KMT2C: variants seen among roughly 807,000 people sequenced by gnomAD.
KMT2C encodes the protein histone-lysine N-methyltransferase 2C.
In KMT2C, 88 loss-of-function variants were observed where a neutral mutation model predicts 507.9. That is an observed-to-expected ratio of 0.17 (90% CI 0.15 to 0.21). The LOEUF (loss-of-function observed/expected upper bound fraction) is 0.21, where lower values mean the gene tolerates loss of function less well. Among genes scored for constraint, KMT2C ranks in the 10% least tolerant of loss-of-function variants. The probability of loss-of-function intolerance (pLI) is 1.00; values close to 1 mark genes in which losing one functional copy is unlikely to be tolerated. For synonymous variants in KMT2C, 2,049 were observed against 2,080.8 expected, an observed-to-expected ratio of 0.98 and a Z score of 0.42; for missense variants, 4,954 against 5,957.8, an observed-to-expected ratio of 0.83 and a Z score of 5.55.
At chr7:152,216,135 GATGGTCGA>G (rs1415259078) in intron 23 of KMT2C, among the ~76,000 whole-genome samples, 1 of 152,140 alleles carries the variant, frequency 6.6e-6, no homozygotes, top group Non-Finnish European at 1.5e-5. Context: ...CATACACTGT[GATGGTCGA>G]TCTGGGACCA....
At chr7:152,382,036 C>T (rs892707493) in intron 1 of KMT2C, among the ~76,000 whole-genome samples, 3 of 152,224 alleles carry the variant, frequency 2.0e-5, no homozygotes, top group African/African-American at 7.2e-5. Flanking sequence ...CCGTAACATA[C>T]CAAATAAGAA....
chr7:152,202,799 T>A (rs1481345970), intron 26 of KMT2C, 135 bp downstream of exon 26: 1 of 715,526 alleles, frequency 1.4e-6, no homozygotes, highest in African/African-American at 1.8e-5. Context: ...AAGGTAAAAA[T>A]GGCATTTATG....
intron 23 of KMT2C, among the ~76,000 whole-genome samples, chr7:152,218,562 A>G (rs903028540): frequency 1.3e-5 from 2 of 152,212 alleles, no homozygotes; most frequent in African/African-American, 4.8e-5. Flanking sequence ...GCACCTAATC[A>G]TCTATTTATA....
intron 1 of KMT2C, among the ~76,000 whole-genome samples, chr7:152,425,045 A>AT (rs1277807094): frequency 6.6e-6 from 1 of 152,204 alleles, no homozygotes; most frequent in Non-Finnish European, 1.5e-5. Context: ...AGAGATGACT[A>AT]TACAATAGCA....
chr7:152,242,620 G>A (rs1489663041), intron 14 of KMT2C, among the ~76,000 whole-genome samples: 1 of 152,128 alleles, frequency 6.6e-6, no homozygotes, highest in Non-Finnish European at 1.5e-5. Flanking sequence ...TTTCTGTTTT[G>A]AGGCCAATTT....
chr7:152,255,109 T>TATATATATATATATATATATATATATA (rs1588626891), intron 9 of KMT2C, among the ~76,000 whole-genome samples: 1 of 78,344 alleles, frequency 1.3e-5, no homozygotes, highest in Non-Finnish European at 2.7e-5. Context: ...CAACTCTCAC[T>TATATATATATATATATATATATATATA]TATATATATA....
In KMT2C at chr7:152,159,036, A is replaced by T. The variant is rs762705172; in HGVS notation, c.11497T>A (p.Cys3833Ser). ...TCTGTTTTTGGCAACTGGTTGCCAC[A>T]TCCAAAACCACCTTGCATTTGAGCC... ...LGAQMQGGFG[C>S]GNQLPKTDGG... The change falls in exon 44 of 59, where the codon TGT (cysteine) becomes AGT (serine). Residue 3833 changes from cysteine (C) to serine (S), a missense_variant. This residue lies in a region of KMT2C where 801 missense variants were observed against 751.2 expected (regional missense o/e 1.07). Transcript: ENST00000262189. The T allele has an allele frequency of 6.2e-7, 1 of 1,614,196 alleles. No homozygotes were observed. Among genetic ancestry groups the T allele is most frequent in the Non-Finnish European group, 8.5e-7 (1 of 1,180,034 alleles).
chr7:152,305,276 C>T (rs1177512040), intron 6 of KMT2C, among the ~76,000 whole-genome samples: 1 of 152,102 alleles, frequency 6.6e-6, no homozygotes, highest in Non-Finnish European at 1.5e-5. Context: ...AACAAAAAAG[C>T]AGATATTATG....
rs777826674 is a variant in KMT2C, at chr7:152,162,576, G to C, written c.11001C>G (p.Ser3667=). The change falls in exon 43 of 59, where the codon TCC becomes TCG. Residue 3667 remains serine, a synonymous_variant. Coordinates refer to ENST00000262189, the MANE Select transcript of KMT2C (RefSeq NM_170606.3). ...GCTGGCCTGCTGCCATATTGGGAGT[G>C]GATGGGCCGACTGGTTCCACCGACT... is the stretch of plus-strand genomic sequence containing the variant. The part of the protein sequence containing the change: ...DQESVEPVGP[S]TPNMAAGQLC... The C allele has an allele frequency of 1.2e-6, 2 of 1,614,096 alleles. No individual in the cohort carries two copies. Among genetic ancestry groups the C allele is most frequent in the East Asian group, 4.5e-5 (2 of 44,892 alleles).
rs886331780 is a variant in KMT2C at position 152,148,665 on chromosome 7, T to C, written c.13262A>G (p.Asn4421Ser). 4.3e-6 allele frequency: 7 copies of C among 1,614,040 alleles called. No individual in the cohort carries two copies. Among genetic ancestry groups the C allele is most frequent in the African/African-American group, 4.0e-5 (3 of 74,912 alleles). The part of the protein sequence containing the change: ...GLTDGPARLL[N>S]LDLDLWVHLN... ...GTGGACCCACAGATCCAAGTCAAGG[T>C]TGAGTAGCCTTGCTGGTCCATCTGT... The change falls in exon 52 of 59, where the codon AAC (asparagine) becomes AGC (serine). Residue 4421 changes from asparagine to serine, a missense_variant. Asn to Ser is a conservative substitution (Grantham distance 46). Around this residue, in one of 29 missense-constraint regions of KMT2C, gnomAD observed 39 missense variants for 101.8 expected, o/e 0.38. Transcript: ENST00000262189. The surrounding 1 kb of genome is among the most constrained non-coding windows in gnomAD (Gnocchi z 7.1).
intron 1 of KMT2C, among the ~76,000 whole-genome samples, chr7:152,414,776 G>A (rs34759023): frequency 1.3e-5 from 2 of 151,670 alleles, no homozygotes; most frequent in African/African-American, 4.8e-5. Flanking sequence ...GATTACAGGC[G>A]TGAGCCACTG....
At chr7:152,419,233 C>T (rs1395367377) in intron 1 of KMT2C, among the ~76,000 whole-genome samples, 1 of 152,010 alleles carries the variant, frequency 6.6e-6, no homozygotes, top group African/African-American at 2.4e-5. Flanking sequence ...CGCCTGTAAT[C>T]CCAGCTACTC....
At chr7:152,290,220 A>ATATGTGTGTGTGTG (rs1554617001) in intron 6 of KMT2C, among the ~76,000 whole-genome samples, 3 of 86,280 alleles carry the variant, frequency 3.5e-5, no homozygotes, top group African/African-American at 1.4e-4. Flanking sequence ...TTATATATAT[A>ATATGTGTGTGTGTG]TGTGTGTGTG....
intron 6 of KMT2C, among the ~76,000 whole-genome samples, chr7:152,274,215 A>G (rs2096033876): frequency 6.6e-6 from 1 of 152,186 alleles, no homozygotes; most frequent in African/African-American, 2.4e-5. Context: ...GGATTATTAT[A>G]AAGTTTTTAA....
At chr7:152,312,490 T>G (rs902977332) in intron 4 of KMT2C, among the ~76,000 whole-genome samples, 1 of 152,198 alleles carries the variant, frequency 6.6e-6, no homozygotes, top group Non-Finnish European at 1.5e-5. Flanking sequence ...GTAGCTTTCT[T>G]ATGGTCCCGT....
rs1382447628 is a variant in KMT2C at position 152,310,168 on chromosome 7, A to T, written c.740-93T>A. 3 of 777,144 alleles carry T rather than the reference A, an allele frequency of 3.9e-6. No homozygotes were observed. The Admixed American group carries it at 7.4e-5, about 19-fold the overall frequency. The allele number at this position is 777,144 out of a possible 1,614,324, so 48.1% of individuals were successfully genotyped here. A position where few individuals can be genotyped will look rare whatever the true frequency, so the allele number is the denominator to read the frequency against. On this transcript the variant is annotated intron_variant, in intron 5 of 58. Transcript: ENST00000262189. ...ACATAAAACTTCAAAATCAACTCTA[A>T]TATGTAAATATACAATGGCATCCTG...
rs753287348 is a variant in KMT2C, at chr7:152,182,422, T to C, written c.5438A>G (p.Gln1813Arg). Residue 1813 changes from glutamine to arginine, a missense_variant, in exon 36 of 59, where the codon CAG (glutamine) becomes CGG (arginine). By Grantham distance (43) the Gln-to-Arg change is conservative. Around this residue, in one of 29 missense-constraint regions of KMT2C, gnomAD observed 1,689 missense variants for 1,654.3 expected, o/e 1.02. Transcript: ENST00000262189. ...SSGIQSPLTP[Q>R]PGNGNMSPAQ... ...AGGAGACATATTTCCATTGCCAGGC[T>C]GAGGTGTCAAGGGACTCTGTATCCC... 2 of 1,613,762 alleles carry C rather than the reference T, an allele frequency of 1.2e-6. No homozygotes were observed. Among genetic ancestry groups the C allele is most frequent in the African/African-American group, 2.7e-5 (2 of 74,932 alleles).
chr7:152,240,200 C>T (rs1171627634), intron 14 of KMT2C, among the ~76,000 whole-genome samples: 3 of 152,210 alleles, frequency 2.0e-5, no homozygotes, highest in Non-Finnish European at 2.9e-5. Flanking sequence ...GGTCAATTAC[C>T]TCACTTTCAT....
chr7:152,168,960 A>G (rs990664723), intron 41 of KMT2C, among the ~76,000 whole-genome samples: 7 of 152,228 alleles, frequency 4.6e-5, no homozygotes, highest in African/African-American at 1.7e-4. Context: ...GTTTTTCTGT[A>G]TTAAAATACT....
Sources: gnomAD v4.1 joint callset for allele counts (sites outside exome capture counted in the v4.1 genomes callset) on GRCh38, gnomAD v4.1.1 for gene constraint, gnomAD v4.1.1 regional missense constraint, Gnocchi (gnomAD v3.1) non-coding constraint, MANE v1.5 for transcripts, NCBI Gene and HGNC (gene_info 2026-07-23, HGNC 2026-07-21) for gene names.